AGK: variants seen among roughly 807,000 people sequenced by gnomAD.
AGK encodes acylglycerol kinase, mitochondrial.
A neutral mutation model predicts 66.4 loss-of-function variants in AGK; 52 were observed. The ratio of observed to expected loss-of-function variants is 0.78; its 90% CI spans 0.63 to 0.99. The LOEUF (loss-of-function observed/expected upper bound fraction) is 0.99. Among genes scored for constraint, AGK ranks in the 50% least tolerant of loss-of-function variants. AGK has a pLI of 0.00. For missense variants in AGK, 451 were observed against 506.6 expected, an observed-to-expected ratio of 0.89 and a Z score of 1.05; for synonymous variants, 182 against 181.1, an observed-to-expected ratio of 1.00 and a Z score of -0.04.
intron 8 of AGK, among the ~76,000 whole-genome samples, chr7:141,621,459 A>G (rs1196219914): frequency 6.6e-6 from 1 of 152,200 alleles, no homozygotes; most frequent in African/African-American, 2.4e-5. Flanking sequence ...AGTCAGGCAC[A>G]ATGTAGAGAC....
chr7:141,652,633 C>T, intron 15 of AGK, 154 bp from the exon 16 acceptor site: 1 of 664,836 alleles, frequency 1.5e-6, no homozygotes, highest in Non-Finnish European at 2.5e-6. Context: ...TCGTAGTAGG[C>T]ACTGAATTTT....
intron 2 of AGK, among the ~76,000 whole-genome samples, chr7:141,566,823 C>T (rs548573046): frequency 2.0e-5 from 3 of 152,284 alleles, no homozygotes; most frequent in African/African-American, 7.2e-5. Context: ...TCTCTCTCCC[C>T]TATTTGTCAG....
intron 2 of AGK, among the ~76,000 whole-genome samples, chr7:141,588,885 A>G (rs1438820344): frequency 6.6e-6 from 1 of 152,124 alleles, no homozygotes; most frequent in Non-Finnish European, 1.5e-5. Flanking sequence ...TTAGCATGCT[A>G]ATGTATTCTA....
chr7:141,632,354 TACA>T (rs1454685279), intron 9 of AGK, among the ~76,000 whole-genome samples: 1 of 152,196 alleles, frequency 6.6e-6, no homozygotes, highest in African/African-American at 2.4e-5. Context: ...TTATTGTTGG[TACA>T]TAAAGCAATG....
intron 8 of AGK, among the ~76,000 whole-genome samples, chr7:141,620,225 G>T (rs1245823847): frequency 1.3e-5 from 2 of 152,176 alleles, no homozygotes; most frequent in Non-Finnish European, 2.9e-5. Flanking sequence ...TTGGGATGTT[G>T]AAAATGTTAT....
At position 141,652,817 on chromosome 7, in the gene AGK, G is replaced by A. The variant is rs1797596789; in HGVS notation, c.1162G>A (p.Glu388Lys). The change falls in exon 16 of 16, where the codon GAG becomes AAG. Residue 388 changes from glutamate (E) to lysine (K), a missense_variant. Transcript: ENST00000649286. ...GAGGSFSIDS[E>K]EYEAMPVEVK... ...AGGGGGCTCTTTTAGCATTGACAGTGAGGAGTATGAAGCGATGCCTGTGGA... is the reference window on the plus strand; with the variant it reads ...AGGGGGCTCTTTTAGCATTGACAGTAAGGAGTATGAAGCGATGCCTGTGGA... 1 of 1,613,778 alleles carries A rather than the reference G, an allele frequency of 6.2e-7. No individual in the cohort carries two copies. Among genetic ancestry groups the A allele is most frequent in the South Asian group, 1.1e-5 (1 of 91,044 alleles).
At chr7:141,586,855 G>A (rs1242701097) in intron 2 of AGK, among the ~76,000 whole-genome samples, 1 of 152,078 alleles carries the variant, frequency 6.6e-6, no homozygotes, top group African/African-American at 2.4e-5. Context: ...GATTCATTTG[G>A]TATTCTCTGT....
At chr7:141,592,060 C>A (rs1796134457) in intron 2 of AGK, among the ~76,000 whole-genome samples, 1 of 152,162 alleles carries the variant, frequency 6.6e-6, no homozygotes, top group African/African-American at 2.4e-5. Context: ...AACTTAATAT[C>A]AAATTTACTT....
At chr7:141,578,073 C>T (rs1795791931) in intron 2 of AGK, among the ~76,000 whole-genome samples, 2 of 152,142 alleles carry the variant, frequency 1.3e-5, no homozygotes, top group Non-Finnish European at 2.9e-5. Context: ...GCCTTGGCCT[C>T]AGTATCACGC....
rs1301372109 is a variant in AGK, at chr7:141,654,341, A to G, written c.*1417A>G. 3.9e-5 allele frequency: 6 copies of G among 152,244 alleles called. No individual in the cohort carries two copies. Among genetic ancestry groups the G allele is most frequent in the African/African-American group, 1.4e-4 (6 of 41,464 alleles). 9.4% of individuals were successfully genotyped at this position (152,244 alleles called of 1,614,324 possible). A position where few individuals can be genotyped will look rare whatever the true frequency, so the allele number is the denominator to read the frequency against. On this transcript the variant is annotated 3_prime_UTR_variant, in exon 16 of 16. Transcript: ENST00000649286. ...TACAGCTGAGATGGGGTTCAACCTC[A>G]GCTGTATTCCTTGTTTCTGTATAGA... is the stretch of plus-strand genomic sequence containing the variant.
chr7:141,633,524 G>A (rs1422433616), intron 9 of AGK, among the ~76,000 whole-genome samples: 2 of 152,136 alleles, frequency 1.3e-5, no homozygotes, highest in Admixed American at 1.3e-4. Context: ...ATCCTATAAG[G>A]AAAATGCAGG....
chr7:141,628,465 A>G (rs1490579634), intron 9 of AGK, among the ~76,000 whole-genome samples: 7 of 152,248 alleles, frequency 4.6e-5, no homozygotes, highest in Non-Finnish European at 8.8e-5. Context: ...GCCTTGTACT[A>G]TAAGCATTAT....
At chr7:141,570,872 A>G (rs1795591149) in intron 2 of AGK, among the ~76,000 whole-genome samples, 1 of 152,210 alleles carries the variant, frequency 6.6e-6, no homozygotes, top group South Asian at 2.1e-4. Context: ...CAGTATCAAA[A>G]TGAGTTTCTG....
intron 4 of AGK, among the ~76,000 whole-genome samples, chr7:141,600,307 G>A (rs1796316243): frequency 6.6e-6 from 1 of 152,092 alleles, no homozygotes; most frequent in African/African-American, 2.4e-5. Flanking sequence ...CTATGCCATT[G>A]GTGGAAGAGA....
At chr7:141,617,315 C>T (rs897932913) in intron 8 of AGK, among the ~76,000 whole-genome samples, 31 of 152,168 alleles carry the variant, frequency 2.0e-4, no homozygotes, top group African/African-American at 7.2e-4. Context: ...CTGAGAGAGT[C>T]TTCAGTTTGG....
intron 4 of AGK, among the ~76,000 whole-genome samples, chr7:141,600,977 T>C (rs935685207): frequency 2.0e-5 from 3 of 152,190 alleles, no homozygotes; most frequent in African/African-American, 7.2e-5. Context: ...GATAAGAGCT[T>C]ATTGCATTAG....
chr7:141,642,467 C>T (rs775705635), intron 13 of AGK, among the ~76,000 whole-genome samples: 2 of 152,154 alleles, frequency 1.3e-5, no homozygotes, highest in Non-Finnish European at 2.9e-5. Flanking sequence ...CTAAGTCACA[C>T]TCACCACATT....
intron 11 of AGK, among the ~76,000 whole-genome samples, chr7:141,640,682 TTTA>T (rs1797268620): frequency 6.6e-6 from 1 of 152,042 alleles, no homozygotes; most frequent in East Asian, 1.9e-4. Flanking sequence ...GGGGTATGGT[TTTA>T]TTCATTCATG....
intron 8 of AGK, among the ~76,000 whole-genome samples, chr7:141,617,370 G>A (rs1350637946): frequency 6.6e-6 from 1 of 152,130 alleles, no homozygotes; most frequent in Non-Finnish European, 1.5e-5. Context: ...TGTTGCTGCT[G>A]CTATTTATAG....
Sources: gnomAD v4.1 joint callset for allele counts (sites outside exome capture counted in the v4.1 genomes callset) on GRCh38, gnomAD v4.1.1 for gene constraint, MANE v1.5 for transcripts, NCBI Gene and HGNC (gene_info 2026-07-23, HGNC 2026-07-21) for gene names.